The following TMC2 variants were observed in gnomAD, a reference collection of about 807,000 sequenced individuals.
TMC2 encodes transmembrane channel like 2.
A neutral mutation model predicts 105.9 loss-of-function variants in TMC2; 102 were observed. The observed-to-expected ratio is 0.96, with a 90% confidence interval of 0.82 to 1.14. TMC2 has a LOEUF of 1.14. Ranked by LOEUF, TMC2 falls within the 50% of genes most tolerant of loss-of-function variation. The pLI, the probability that TMC2 is intolerant of heterozygous loss-of-function variation, is 0.00. For synonymous variants in TMC2, 402 were observed against 422.8 expected (o/e 0.95, Z 0.60); for missense variants, 1,093 against 1,134.3 (o/e 0.96, Z 0.52).
At chr20:2,562,883 T>C (rs1377975584) in intron 4 of TMC2, among the ~76,000 whole-genome samples, 1 of 151,460 alleles carries the variant, frequency 6.6e-6, no homozygotes, top group Non-Finnish European at 1.5e-5. Flanking sequence ...GAGACAGAGG[T>C]TGTAGTGAGC....
At chr20:2,637,786 A>G (rs892652325) in intron 19 of TMC2, among the ~76,000 whole-genome samples, 195 bp downstream of exon 19, 2 of 152,182 alleles carry the variant, frequency 1.3e-5, no homozygotes, top group Non-Finnish European at 2.9e-5. Context: ...GATGAGATGT[A>G]ATCATGCATG....
At chr20:2,542,339 G>A (rs2085895453) in intron 2 of TMC2, among the ~76,000 whole-genome samples, 1 of 152,154 alleles carries the variant, frequency 6.6e-6, no homozygotes, top group Non-Finnish European at 1.5e-5. Context: ...TATGGAAGGT[G>A]ACTAGGAAAC....
intron 13 of TMC2, 45 bp from the exon 14 acceptor site, chr20:2,613,149 T>G (rs748146017): frequency 1.9e-6 from 3 of 1,586,392 alleles, no homozygotes; most frequent in East Asian, 4.5e-5. Flanking sequence ...GTGGGAGAAG[T>G]GGGCAAGGTC....
chr20:2,536,613 C>A lies in TMC2; in HGVS notation c.-9C>A. The A allele has an allele frequency of 6.4e-7, 1 of 1,570,198 alleles. No homozygotes were observed. The highest frequency in any genetic ancestry group is 8.6e-7 in the Non-Finnish European group (1 of 1,157,628). On this transcript the variant is annotated 5_prime_UTR_variant, in exon 1 of 20. The change creates a new upstream start codon in the 5' untranslated region. Transcript: ENST00000358864. ...GAGCCTGTGCAGGACCCCAGCAGTGCTGCTGACCATGAGCCACCAGGTAAA... is the reference window on the plus strand; with the variant it reads ...GAGCCTGTGCAGGACCCCAGCAGTGATGCTGACCATGAGCCACCAGGTAAA...
chr20:2,537,695 A>G (rs931114752), intron 2 of TMC2, among the ~76,000 whole-genome samples: 1 of 151,776 alleles, frequency 6.6e-6, no homozygotes, highest in Non-Finnish European at 1.5e-5. Flanking sequence ...TCCAAAAAGT[A>G]GTAGGCATAA....
chr20:2,560,730 C>T (rs917146861), intron 3 of TMC2, among the ~76,000 whole-genome samples: 4 of 151,546 alleles, frequency 2.6e-5, no homozygotes, highest in Admixed American at 1.3e-4. Context: ...CCAGCTACTC[C>T]GGAGGCTAAG....
chr20:2,559,275 G>A (rs1231526134), intron 3 of TMC2, among the ~76,000 whole-genome samples: 4 of 152,212 alleles, frequency 2.6e-5, no homozygotes, highest in Non-Finnish European at 4.4e-5. Flanking sequence ...CACTGGTCCA[G>A]GAGACCTTCA....
chr20:2,554,263 T>A lies in TMC2; in HGVS notation c.83-4193T>A, dbSNP rs370620996. Reference sequence around the variant, plus strand: ...TTATTTCTGATATTAATAATTTATGTCTCCAGCCTGGGCAACGGAGCAACA... The same window carrying A: ...TTATTTCTGATATTAATAATTTATGACTCCAGCCTGGGCAACGGAGCAACA... On this transcript the variant is annotated intron_variant, in intron 2 of 19. Coordinates refer to ENST00000358864, the MANE Select transcript of TMC2 (RefSeq NM_080751.3). 9.2e-5 allele frequency among the ~76,000 whole-genome samples: 14 copies of A among 152,216 alleles called. No individual in the cohort carries two copies. In the East Asian group the frequency reaches 9.6e-4, roughly 10 times the overall value.
intron 17 of TMC2, among the ~76,000 whole-genome samples, chr20:2,626,669 A>G (rs2086566820): frequency 6.6e-6 from 1 of 152,298 alleles, no homozygotes; most frequent in African/African-American, 2.4e-5. Flanking sequence ...CTCAGGGCTG[A>G]TTTATTTCAG....
At chr20:2,605,513 C>G (rs1160052663) in intron 11 of TMC2, among the ~76,000 whole-genome samples, 2 of 152,066 alleles carry the variant, frequency 1.3e-5, no homozygotes, top group Admixed American at 6.6e-5. Context: ...TTTTCCTCTT[C>G]TTATAAGAAC....
chr20:2,593,546 C>T (rs576491875), intron 8 of TMC2, among the ~76,000 whole-genome samples: 5 of 152,268 alleles, frequency 3.3e-5, no homozygotes, highest in Admixed American at 6.5e-5. Flanking sequence ...CTAAAGATTG[C>T]GTGTGTAAGT....
chr20:2,598,058 A>G (rs932867153), intron 10 of TMC2, among the ~76,000 whole-genome samples: 1 of 152,214 alleles, frequency 6.6e-6, no homozygotes, highest in Non-Finnish European at 1.5e-5. Flanking sequence ...GAATACTCAG[A>G]AAGAGCTGAG....
intron 8 of TMC2, among the ~76,000 whole-genome samples, chr20:2,593,843 G>C (rs1323585233): frequency 6.6e-6 from 1 of 152,126 alleles, no homozygotes; most frequent in Non-Finnish European, 1.5e-5. Context: ...ATAAAATCCA[G>C]TGTTCTTAAT....
At chr20:2,543,194 A>G (rs781339129) in intron 2 of TMC2, among the ~76,000 whole-genome samples, 267 of 152,120 alleles carry the variant, frequency 1.8e-3, no homozygotes, top group Non-Finnish European at 2.7e-3. Flanking sequence ...CCAAGATCTT[A>G]CCACTGCACT....
chr20:2,638,381 A>C (rs899325968), intron 19 of TMC2, among the ~76,000 whole-genome samples: 39 of 152,064 alleles, frequency 2.6e-4, no homozygotes, highest in African/African-American at 9.2e-4. Context: ...TCTAGCACAT[A>C]CAATTATATA....
At chr20:2,557,310 T>C (rs2085990840) in intron 2 of TMC2, among the ~76,000 whole-genome samples, 1 of 152,216 alleles carries the variant, frequency 6.6e-6, no homozygotes, top group Non-Finnish European at 1.5e-5. Flanking sequence ...AAGTTTCTAT[T>C]GACATATCCT....
chr20:2,607,276 G>T (rs1600126958), intron 11 of TMC2, among the ~76,000 whole-genome samples: 1 of 152,250 alleles, frequency 6.6e-6, no homozygotes, highest in East Asian at 1.9e-4. Context: ...ATGGTGGCTT[G>T]CTGGATGAGA....
intron 2 of TMC2, among the ~76,000 whole-genome samples, chr20:2,543,048 CCAACATGGTGAAACCCTGT>C (rs977084410): frequency 6.6e-6 from 1 of 151,870 alleles, no homozygotes; most frequent in African/African-American, 2.4e-5. Flanking sequence ...ACCAGCCTGG[CCAACATGGTGAAACCCTGT>C]CTCTACTAAA....
At chr20:2,581,336 T>C (rs2086188047) in intron 7 of TMC2, among the ~76,000 whole-genome samples, 1 of 152,240 alleles carries the variant, frequency 6.6e-6, no homozygotes, top group Non-Finnish European at 1.5e-5. Context: ...CTTACAAATA[T>C]GTCATTAACT....
Sources: allele counts gnomAD v4.1 joint callset (sites outside exome capture counted in the v4.1 genomes callset), GRCh38; gene constraint gnomAD v4.1.1; transcripts MANE v1.5; gene names NCBI Gene and HGNC (gene_info 2026-07-23, HGNC 2026-07-21).